The following DYSF variants were observed in gnomAD, a reference collection of about 807,000 sequenced individuals.
DYSF encodes the protein dystrophy-associated fer-1-like 1.
A neutral mutation model predicts 274.9 loss-of-function variants in DYSF; 212 were observed. The observed-to-expected ratio is 0.77, with a 90% CI of 0.69 to 0.86. The LOEUF (loss-of-function observed/expected upper bound fraction) is 0.86. DYSF is among the 40% of genes least tolerant of loss of function. The probability of loss-of-function intolerance (pLI) is 0.00; values close to 1 mark genes in which losing one functional copy is unlikely to be tolerated. For synonymous variants in DYSF, 1,091 were observed against 1,078.7 expected (o/e 1.01, Z -0.22); for missense variants, 2,666 against 2,783.2 (o/e 0.96, Z 0.95).
intron 1 of DYSF, among the ~76,000 whole-genome samples, chr2:71,468,295 G>A (rs1210495203): frequency 2.0e-5 from 3 of 152,156 alleles, no homozygotes; most frequent in Non-Finnish European, 2.9e-5. Flanking sequence ...TCTAACACTC[G>A]TTTGGGTCTG....
At chr2:71,542,321 T>C (rs1401441187) in intron 17 of DYSF, among the ~76,000 whole-genome samples, 2 of 152,264 alleles carry the variant, frequency 1.3e-5, no homozygotes, top group Admixed American at 6.5e-5. Flanking sequence ...TGCCTTTTAC[T>C]GCTTCGTACA....
intron 29 of DYSF, among the ~76,000 whole-genome samples, chr2:71,572,656 G>T (rs2092560200): frequency 6.6e-6 from 1 of 152,246 alleles, no homozygotes; most frequent in South Asian, 2.1e-4. Flanking sequence ...TCACCTGGAG[G>T]CAGGGCTGGG....
chr2:71,454,171 G>C, intron 1 of DYSF: 11 of 1,339,678 alleles, frequency 8.2e-6, no homozygotes, highest in Non-Finnish European at 1.2e-5. Context: ...AGAGCACCTA[G>C]AGCTGAGAGA....
chr2:71,504,847 C>T (rs1231097300), intron 4 of DYSF, among the ~76,000 whole-genome samples: 3 of 152,234 alleles, frequency 2.0e-5, no homozygotes, highest in Non-Finnish European at 2.9e-5. Flanking sequence ...CCCCTCCATA[C>T]CTCCCTTCGC....
At chr2:71,675,812 T>C (rs2095211823) in intron 52 of DYSF, among the ~76,000 whole-genome samples, 1 of 152,098 alleles carries the variant, frequency 6.6e-6, no homozygotes, top group East Asian at 1.9e-4. Context: ...TATTTGAGAC[T>C]TAAACAAACA....
intron 41 of DYSF, among the ~76,000 whole-genome samples, chr2:71,640,738 T>C (rs1260414991): frequency 1.5e-5 from 2 of 129,180 alleles, no homozygotes; most frequent in East Asian, 4.0e-4. Flanking sequence ...ATGAGATTAA[T>C]CCGTGTGTGT....
At chr2:71,570,980 C>T in intron 29 of DYSF, 1 of 581,646 alleles carries the variant, frequency 1.7e-6, no homozygotes, top group African/African-American at 1.9e-5. Flanking sequence ...ACAGATCACA[C>T]CCAGCACACA....
intron 3 of DYSF, among the ~76,000 whole-genome samples, chr2:71,485,409 C>A (rs11687665): frequency 0.13 from 19,638 of 152,062 alleles, 1,485 homozygotes; most frequent in Admixed American, 0.2. Flanking sequence ...TACAAAAATT[C>A]GCTGGGCGTG....
chr2:71,685,249 C>T (rs375269774), intron 55 of DYSF, among the ~76,000 whole-genome samples: 21 of 152,304 alleles, frequency 1.4e-4, no homozygotes, highest in African/African-American at 3.4e-4. Flanking sequence ...CCCCCAGCAG[C>T]GGGCCACTCT....
chr2:71,682,797 C>G, intron 55 of DYSF, 120 bp downstream of exon 55: 1 of 1,413,662 alleles, frequency 7.1e-7, no homozygotes, highest in South Asian at 1.3e-5. Context: ...CTTGGAGAGC[C>G]CCTGGTCTGA....
intron 16 of DYSF, among the ~76,000 whole-genome samples, chr2:71,537,349 G>A (rs1275916269): frequency 1.3e-5 from 2 of 148,414 alleles, no homozygotes; most frequent in African/African-American, 5.0e-5. Flanking sequence ...AGGTTCAAGC[G>A]ATTCTCCTGC....
At chr2:71,647,935 T>C (rs957865765) in intron 42 of DYSF, among the ~76,000 whole-genome samples, 4 of 152,218 alleles carry the variant, frequency 2.6e-5, no homozygotes, top group African/African-American at 4.8e-5. Context: ...TTGAAGCTGA[T>C]GACAGAAGCC....
intron 41 of DYSF, among the ~76,000 whole-genome samples, chr2:71,632,623 A>G (rs2094333569): frequency 6.6e-6 from 1 of 152,216 alleles, no homozygotes; most frequent in African/African-American, 2.4e-5. Context: ...GAATTGTCAC[A>G]GATTCTGAAT....
intron 55 of DYSF, among the ~76,000 whole-genome samples, chr2:71,684,789 T>C (rs1466763175): frequency 6.6e-6 from 1 of 152,180 alleles, no homozygotes; most frequent in Non-Finnish European, 1.5e-5. Context: ...GTGACAGAGC[T>C]CTGTCGCTGG....
At chr2:71,610,993 G>A in intron 36 of DYSF, 1 of 543,290 alleles carries the variant, frequency 1.8e-6, no homozygotes, top group East Asian at 3.4e-5. Flanking sequence ...AGGGGTGACG[G>A]GATTCAGTTG....
chr2:71,524,748 C>T (rs761331335), intron 12 of DYSF, among the ~76,000 whole-genome samples: 9 of 152,250 alleles, frequency 5.9e-5, no homozygotes, highest in Admixed American at 2.0e-4. Flanking sequence ...GCATGAGTTG[C>T]CTCCTCGTCT....
chr2:71,584,377 C>T (rs572686442), intron 30 of DYSF, among the ~76,000 whole-genome samples: 1 of 152,136 alleles, frequency 6.6e-6, no homozygotes, highest in South Asian at 2.1e-4. Flanking sequence ...CACCCTCCTT[C>T]CCCTCCTCCA....
chr2:71,466,857 G>C lies in DYSF; in HGVS notation c.15G>C (p.Leu5=), dbSNP rs1363671337. Residue 5 remains leucine (L), a synonymous_variant, in exon 1 of 56, where the codon CTG becomes CTC. Coordinates refer to ENST00000410020, the MANE Select transcript of DYSF (RefSeq NM_001130987.2). The part of the protein sequence containing the change: MLCC[L]LVRASNLPSA... ...GCTGCCCAGCCATGCTGTGCTGCCTGCTGGTGAGGGCCAGCAACCTCCCCA... is the reference window on the plus strand; with the variant it reads ...GCTGCCCAGCCATGCTGTGCTGCCTCCTGGTGAGGGCCAGCAACCTCCCCA... The C allele has an allele frequency of 6.5e-7, 1 of 1,542,108 alleles. No homozygotes were observed. Among genetic ancestry groups the C allele is most frequent in the East Asian group, 2.5e-5 (1 of 40,644 alleles).
intron 1 of DYSF, among the ~76,000 whole-genome samples, chr2:71,468,603 TCTC>T (rs2081721543): frequency 1.3e-5 from 2 of 152,174 alleles, no homozygotes; most frequent in East Asian, 3.8e-4. Flanking sequence ...GCACTGATGA[TCTC>T]CTCGGAAAAC....
Sources: gnomAD v4.1 joint callset for allele counts (sites outside exome capture counted in the v4.1 genomes callset) on GRCh38, gnomAD v4.1.1 for gene constraint, MANE v1.5 for transcripts, NCBI Gene and HGNC (gene_info 2026-07-23, HGNC 2026-07-21) for gene names.